The following LDB2 variants were observed in gnomAD, a reference collection of about 807,000 sequenced individuals.
The protein encoded by LDB2 is LIM domain-binding protein 2.
LDB2 carries 12 observed loss-of-function variants against 44.3 expected under a neutral mutation model. That is an observed-to-expected ratio of 0.27 (90% confidence interval 0.17 to 0.44). The LOEUF is 0.44. Ranked by LOEUF, LDB2 falls within the 20% of genes least tolerant of loss-of-function variation. LDB2 has a pLI of 1.00. For missense variants in LDB2, 344 were observed against 473.5 expected (o/e 0.73, Z 2.54); for synonymous variants, 164 against 174.8 (o/e 0.94, Z 0.49).
At chr4:16,718,699 G>A (rs1005272589) in intron 2 of LDB2, among the ~76,000 whole-genome samples, 5 of 152,038 alleles carry the variant, frequency 3.3e-5, no homozygotes, top group South Asian at 2.1e-4. Flanking sequence ...ACAAACCCTC[G>A]CATAAGAGCT....
At chr4:16,537,652 T>C (rs1034665210) in intron 5 of LDB2, among the ~76,000 whole-genome samples, 10 of 152,206 alleles carry the variant, frequency 6.6e-5, no homozygotes, top group Admixed American at 5.2e-4. Flanking sequence ...TTAGTGCTCC[T>C]AATGTCCTGC....
chr4:16,786,934 G>A (rs1242339487), intron 1 of LDB2, among the ~76,000 whole-genome samples: 1 of 152,038 alleles, frequency 6.6e-6, no homozygotes, highest in Non-Finnish European at 1.5e-5. Context: ...CCTTTCTTCT[G>A]GCCTCCTCAG....
At chr4:16,875,187 G>A (rs1281469181) in intron 1 of LDB2, among the ~76,000 whole-genome samples, 1 of 152,084 alleles carries the variant, frequency 6.6e-6, no homozygotes, top group African/African-American at 2.4e-5. Context: ...AAACATAAGA[G>A]AATTAATACC....
At chr4:16,706,611 C>T (rs778926441) in intron 2 of LDB2, among the ~76,000 whole-genome samples, 2 of 152,172 alleles carry the variant, frequency 1.3e-5, no homozygotes, top group Non-Finnish European at 2.9e-5. Flanking sequence ...TAGTAGCAAA[C>T]ACAATTCCAT....
At chr4:16,830,714 C>T (rs2110044684) in intron 1 of LDB2, among the ~76,000 whole-genome samples, 1 of 152,324 alleles carries the variant, frequency 6.6e-6, no homozygotes, top group South Asian at 2.1e-4. Context: ...GGAGTAAGAA[C>T]TCTATCTAAT....
chr4:16,681,825 C>T (rs567420962), intron 2 of LDB2, among the ~76,000 whole-genome samples: 3 of 151,872 alleles, frequency 2.0e-5, no homozygotes, highest in East Asian at 3.9e-4. Context: ...CCCGCCTTGG[C>T]CTCCCAAAGT....
intron 2 of LDB2, among the ~76,000 whole-genome samples, chr4:16,751,081 G>A (rs1031709793): frequency 1.3e-5 from 2 of 152,152 alleles, no homozygotes; most frequent in Non-Finnish European, 2.9e-5. Context: ...TAGTCACACA[G>A]AGTCAGGCAA....
At chr4:16,843,165 A>G (rs1308449325) in intron 1 of LDB2, among the ~76,000 whole-genome samples, 1 of 152,208 alleles carries the variant, frequency 6.6e-6, no homozygotes. Context: ...ACCTTGTTCA[A>G]TGTCTATATC....
At chr4:16,662,316 T>C (rs1191650711) in intron 2 of LDB2, among the ~76,000 whole-genome samples, 1 of 152,136 alleles carries the variant, frequency 6.6e-6, no homozygotes, top group African/African-American at 2.4e-5. Context: ...TAATCATTTG[T>C]TGAAAGATGA....
At chr4:16,634,154 A>G (rs1400376314) in intron 2 of LDB2, among the ~76,000 whole-genome samples, 2 of 152,246 alleles carry the variant, frequency 1.3e-5, no homozygotes, top group African/African-American at 4.8e-5. Context: ...TAAGACCATG[A>G]AAATCCTACA....
chr4:16,695,530 G>A (rs1751931201), intron 2 of LDB2, among the ~76,000 whole-genome samples: 1 of 151,672 alleles, frequency 6.6e-6, no homozygotes, highest in Non-Finnish European at 1.5e-5. Flanking sequence ...CAAAAACATA[G>A]TGCTTTAAAA....
chr4:16,865,015 G>A (rs1474466058), intron 1 of LDB2, among the ~76,000 whole-genome samples: 1 of 152,152 alleles, frequency 6.6e-6, no homozygotes, highest in African/African-American at 2.4e-5. Flanking sequence ...GGAGGCCGAA[G>A]TGGGCAGATC....
chr4:16,737,378 G>GC (rs1762103968), intron 2 of LDB2, among the ~76,000 whole-genome samples: 1 of 152,042 alleles, frequency 6.6e-6, no homozygotes, highest in Non-Finnish European at 1.5e-5. Context: ...ATAGGCATCA[G>GC]CCCCCACTCC....
At chr4:16,865,187 G>A (rs566218971) in intron 1 of LDB2, among the ~76,000 whole-genome samples, 1 of 152,290 alleles carries the variant, frequency 6.6e-6, no homozygotes, top group Admixed American at 6.5e-5. Context: ...TGGGGGTGGA[G>A]GTTGCAGTAA....
At chr4:16,617,305 GA>G (rs368774047) in intron 2 of LDB2, among the ~76,000 whole-genome samples, 324 of 147,542 alleles carry the variant, frequency 2.2e-3, no homozygotes, top group African/African-American at 7.1e-3. Context: ...CCCTCCCCGG[GA>G]AAAAAAAAAT....
chr4:16,682,646 C>T (rs931422599), intron 2 of LDB2, among the ~76,000 whole-genome samples: 1 of 152,224 alleles, frequency 6.6e-6, no homozygotes, highest in African/African-American at 2.4e-5. Flanking sequence ...GTATGCTCAG[C>T]TTAGCACCTC....
At chr4:16,606,490 CAA>C (rs899446514) in intron 2 of LDB2, among the ~76,000 whole-genome samples, 16 of 152,296 alleles carry the variant, frequency 1.1e-4, no homozygotes, top group African/African-American at 3.8e-4. Context: ...TTAATATTGT[CAA>C]GTTTTTAATT....
At chr4:16,512,450 CA>C (rs71181173) in intron 5 of LDB2, among the ~76,000 whole-genome samples, 58,909 of 125,690 alleles carry the variant, frequency 0.47, 11,578 homozygotes, top group Middle Eastern at 0.55. Flanking sequence ...TAAAAACAAA[CA>C]AAACAAAACA....
chr4:16,762,831 C>T (rs914645217), intron 1 of LDB2, among the ~76,000 whole-genome samples: 2 of 152,066 alleles, frequency 1.3e-5, no homozygotes, highest in Non-Finnish European at 2.9e-5. Flanking sequence ...GATCTGAGGT[C>T]ACCGGGAGAA....
Sources: allele counts gnomAD v4.1 joint callset (sites outside exome capture counted in the v4.1 genomes callset), GRCh38; gene constraint gnomAD v4.1.1; transcripts MANE v1.5; gene names NCBI Gene and HGNC (gene_info 2026-07-23, HGNC 2026-07-21).